ADGB: variants seen among roughly 807,000 people sequenced by gnomAD.
ADGB encodes calpain-7-like protein.
ADGB carries 172 observed loss-of-function variants against 210.5 expected under a neutral mutation model. The ratio of observed to expected loss-of-function variants is 0.82; its 90% CI spans 0.72 to 0.93. The LOEUF is 0.93. Ranked by LOEUF, ADGB falls within the 40% of genes least tolerant of loss-of-function variation. The probability of loss-of-function intolerance (pLI) is 0.00; values close to 1 mark genes in which losing one functional copy is unlikely to be tolerated. For missense variants in ADGB, 2,025 were observed against 1,964.8 expected (o/e 1.03, Z -0.58); for synonymous variants, 658 against 662.7 (o/e 0.99, Z 0.11).
chr6:146,599,223 G>A, intron 1 of ADGB, 109 bp downstream of exon 1: 1 of 963,744 alleles, frequency 1.0e-6, no homozygotes, highest in Non-Finnish European at 1.6e-6. Flanking sequence ...GAAGTTTAGT[G>A]GCCTCCTCGC....
At chr6:146,614,176 TCTCCCTCCCTCCCTCCCTCC>T (rs147963385) in intron 1 of ADGB, among the ~76,000 whole-genome samples, 2 of 139,344 alleles carry the variant, frequency 1.4e-5, no homozygotes, top group African/African-American at 2.9e-5. Flanking sequence ...ACTTGTTTTC[TCTCCCTCCCTCCCTCCCTCC>T]CTCCCTTCCT....
Position 146,646,026 on chromosome 6 carries a change from A to G in ADGB, c.330+1161A>G, listed in dbSNP as rs73002301. The stretch of plus-strand genomic sequence containing the variant: ...TAACAATATTCAGTCTCTGCTCAAT[A>G]TAAGTACATAGCTTACATTTCATAC... On this transcript the variant is annotated intron_variant, in intron 3 of 35. Coordinates refer to ENST00000397944, the MANE Select transcript of ADGB (RefSeq NM_024694.4). Among the ~76,000 whole-genome samples, 1,178 of 152,264 alleles carry G rather than the reference A, an allele frequency of 7.7e-3. 9 individuals carry two copies. Among genetic ancestry groups the G allele is most frequent in the Non-Finnish European group, 0.013 (907 of 68,014 alleles).
intron 7 of ADGB, among the ~76,000 whole-genome samples, chr6:146,667,444 G>T (rs1398296955): frequency 6.6e-6 from 1 of 151,934 alleles, no homozygotes; most frequent in African/African-American, 2.4e-5. Flanking sequence ...ATACCTCTTG[G>T]TTTTTGTAAA....
chr6:146,782,714 C>A (rs147842417), intron 30 of ADGB, among the ~76,000 whole-genome samples: 3 of 151,958 alleles, frequency 2.0e-5, no homozygotes, highest in African/African-American at 2.4e-5. Flanking sequence ...GGCCTTAAAG[C>A]GTCATTGGAA....
chr6:146,606,002 T>C (rs1374110151), intron 1 of ADGB, among the ~76,000 whole-genome samples: 1 of 152,202 alleles, frequency 6.6e-6, no homozygotes, highest in Non-Finnish European at 1.5e-5. Context: ...ATCTCCAAAT[T>C]GCTTTCTTGG....
intron 1 of ADGB, among the ~76,000 whole-genome samples, chr6:146,608,015 T>A (rs1780655704): frequency 6.6e-6 from 1 of 152,192 alleles, no homozygotes; most frequent in Non-Finnish European, 1.5e-5. Context: ...CTGCAGTGAA[T>A]CCATCTGGTC....
chr6:146,757,896 G>T (rs1777431732), intron 27 of ADGB, among the ~76,000 whole-genome samples: 1 of 151,996 alleles, frequency 6.6e-6, no homozygotes, highest in Non-Finnish European at 1.5e-5. Flanking sequence ...CCTTTCCAGT[G>T]TGAATAAGAC....
At position 146,700,942 on chromosome 6, in the gene ADGB, C is replaced by T. The variant is rs1473091695; in HGVS notation, c.1579C>T (p.His527Tyr). 6.5e-7 allele frequency: 1 copy of T among 1,547,254 alleles called. No individual in the cohort carries two copies. Among genetic ancestry groups the T allele is most frequent in the Non-Finnish European group, 8.7e-7 (1 of 1,145,372 alleles). Residue 527 changes from histidine to tyrosine, a missense_variant and splice_region_variant, in exon 13 of 36, where the codon CAT (histidine) becomes TAT (tyrosine). His to Tyr is a moderately conservative substitution (Grantham distance 83). Transcript: ENST00000397944. ...MTPFTIPTEM[H>Y]FVRSLIKKGI... is the part of the protein sequence containing the mutation. ...TTTGGGGTTTTGTTTTCCTTTTAGG[C>T]ATTTTGTGCGCTCCTTAATTAAGAA... is the stretch of plus-strand genomic sequence containing the variant.
intron 32 of ADGB, among the ~76,000 whole-genome samples, chr6:146,786,390 G>A (rs144582540): frequency 6.6e-6 from 1 of 151,882 alleles, no homozygotes; most frequent in Non-Finnish European, 1.5e-5. Context: ...TGTCCGTGGA[G>A]GCAGAAGGCG....
At chr6:146,648,741 C>T (rs1325972240) in intron 3 of ADGB, among the ~76,000 whole-genome samples, 1 of 151,436 alleles carries the variant, frequency 6.6e-6, no homozygotes, top group African/African-American at 2.4e-5. Context: ...ATATAAGCCA[C>T]CTTTTTAAAT....
chr6:146,809,867 A>G (rs1490072329), intron 35 of ADGB, among the ~76,000 whole-genome samples: 1 of 152,186 alleles, frequency 6.6e-6, no homozygotes, highest in East Asian at 1.9e-4. Flanking sequence ...AGAAGATTGC[A>G]TACAGAAAAA....
rs1226050135 is a variant in ADGB, at chr6:146,787,667, CTTTCTTATTTCAACATTTCTTCA to C, written c.4316-720_4316-698del. ...CTCTTAAGTACTTTCCTATTGCCAC[CTTTCTTATTTCAACATTTCTTCA>C]TGCTCTTAAGTACTTTCCTATTGCC... On this transcript the variant is annotated intron_variant, in intron 32 of 35. Coordinates refer to ENST00000397944, the MANE Select transcript of ADGB (RefSeq NM_024694.4). 4.6e-3 allele frequency among the ~76,000 whole-genome samples: 158 copies of C among 34,450 alleles called. 2 individuals carry two copies. The highest frequency in any genetic ancestry group is 0.023 in the African/African-American group (152 of 6,642). The allele number at this position is 34,450 out of a possible 152,430, so 22.6% of individuals were successfully genotyped here. A position where few individuals can be genotyped will look rare whatever the true frequency, so the allele number is the denominator to read the frequency against.
Position 146,815,174 on chromosome 6 carries a change from C to A in ADGB, c.4961C>A (p.Pro1654Gln). ...AMKLETEKMT[P>Q]APDTQKKKKG... The stretch of plus-strand genomic sequence containing the variant: ...AAGCTGGAGACAGAAAAGATGACCC[C>A]AGCTCCTGACACACAGAAAAAAAAG... Residue 1654 changes from proline to glutamine, a missense_variant, in exon 36 of 36, where the codon CCA (proline) becomes CAA (glutamine). By Grantham distance (76) the Pro-to-Gln change is moderately conservative. Transcript: ENST00000397944. 1 of 1,517,218 alleles carries A rather than the reference C, an allele frequency of 6.6e-7. No homozygotes were observed. The highest frequency in any genetic ancestry group is 2.6e-5 in the Admixed American group (1 of 38,826). The allele number at this position is 1,517,218 out of a possible 1,614,324, so 94.0% of individuals were successfully genotyped here. A position where few individuals can be genotyped will look rare whatever the true frequency, so the allele number is the denominator to read the frequency against.
At chr6:146,748,961 T>C (rs1351491485) in intron 26 of ADGB, among the ~76,000 whole-genome samples, 1 of 152,176 alleles carries the variant, frequency 6.6e-6, no homozygotes, top group Non-Finnish European at 1.5e-5. Flanking sequence ...CTTGATTCTC[T>C]GCAAAAGACC....
intron 17 of ADGB, among the ~76,000 whole-genome samples, chr6:146,721,805 T>G (rs1263819791): frequency 6.6e-6 from 1 of 152,072 alleles, no homozygotes; most frequent in Non-Finnish European, 1.5e-5. Context: ...GCCATTGCAC[T>G]CCAACCTGGG....
intron 33 of ADGB, among the ~76,000 whole-genome samples, chr6:146,798,663 C>G (rs1019267871): frequency 1.3e-5 from 2 of 150,962 alleles, no homozygotes; most frequent in Non-Finnish European, 3.0e-5. Flanking sequence ...ATATGCTAAA[C>G]TTCTAAAAAA....
chr6:146,813,069 G>C (rs1778325748), intron 35 of ADGB, among the ~76,000 whole-genome samples: 1 of 152,082 alleles, frequency 6.6e-6, no homozygotes, highest in Admixed American at 6.5e-5. Flanking sequence ...CCAATGACCT[G>C]TCTCGCAGAA....
At chr6:146,789,743 A>C (rs1777928255) in intron 33 of ADGB, among the ~76,000 whole-genome samples, 1 of 152,108 alleles carries the variant, frequency 6.6e-6, no homozygotes, top group African/African-American at 2.4e-5. Flanking sequence ...TAATTTTTCC[A>C]CTCTTATCTC....
chr6:146,814,011 C>A (rs937630672), intron 35 of ADGB, among the ~76,000 whole-genome samples: 16 of 152,170 alleles, frequency 1.1e-4, no homozygotes, highest in African/African-American at 2.9e-4. Context: ...CTTAAAATCT[C>A]TCTCTCCTGC....
Sources: gnomAD v4.1 joint callset for allele counts (sites outside exome capture counted in the v4.1 genomes callset) on GRCh38, gnomAD v4.1.1 for gene constraint, MANE v1.5 for transcripts, NCBI Gene and HGNC (gene_info 2026-07-23, HGNC 2026-07-21) for gene names.